DCTN1: variants seen among roughly 807,000 people sequenced by gnomAD.
The protein encoded by DCTN1 is 150 kDa dynein-associated polypeptide.
A neutral mutation model predicts 161.2 loss-of-function variants in DCTN1; 61 were observed. The ratio of observed to expected loss-of-function variants is 0.38; its 90% confidence interval spans 0.31 to 0.47. DCTN1 has a LOEUF of 0.47. DCTN1 is among the 20% of genes least tolerant of loss of function. The pLI, the probability that DCTN1 is intolerant of heterozygous loss-of-function variation, is 0.99. For synonymous variants in DCTN1, 653 were observed against 632.4 expected (o/e 1.03, Z -0.49); for missense variants, 1,404 against 1,623.7 (o/e 0.86, Z 2.33).
At chr2:74,390,541 A>G (rs770413122) in intron 1 of DCTN1, 1 of 405,210 alleles carries the variant, frequency 2.5e-6, no homozygotes, top group South Asian at 1.8e-5. Context: ...AGAATTTTAA[A>G]TCTGAAAGAA....
rs538291598 is a variant in DCTN1, at chr2:74,362,664, C to G, written c.3595G>C (p.Val1199Leu). 1 of 1,613,890 alleles carries G rather than the reference C, an allele frequency of 6.2e-7. No individual in the cohort carries two copies. The highest frequency in any genetic ancestry group is 8.5e-7 in the Non-Finnish European group (1 of 1,179,940). The change falls in exon 30 of 32, where the codon GTC becomes CTC. Residue 1199 changes from valine (V) to leucine (L), a missense_variant. Coordinates refer to ENST00000628224, the MANE Select transcript of DCTN1 (RefSeq NM_004082.5). ...ACTGAGCTGACCTTGAGCTTCTCGA[C>G]GGTGTCACTCAGGGACTTAAGCTGA... ...VAQLKSLSDT[V>L]EKLKDEVLKE...
chr2:74,374,154 G>C (rs551802041), intron 6 of DCTN1, 169 bp downstream of exon 6: 1 of 710,244 alleles, frequency 1.4e-6, no homozygotes, highest in South Asian at 1.5e-5. Flanking sequence ...AATGCCCAGG[G>C]TGTGGGGCAT....
In DCTN1 at chr2:74,363,385, C is replaced by T. The variant is rs1274754432; in HGVS notation, c.3254G>A (p.Gly1085Glu). 10 of 1,612,438 alleles carry T rather than the reference C, an allele frequency of 6.2e-6. No individual in the cohort carries two copies. The highest frequency in any genetic ancestry group is 8.5e-6 in the Non-Finnish European group (10 of 1,179,592). Residue 1085 changes from glycine to glutamate, a missense_variant, in exon 28 of 32, where the codon GGG becomes GAG. Gly to Glu is a moderately conservative substitution (Grantham distance 98). This residue lies in a region of DCTN1 where 311 missense variants were observed against 298.9 expected (regional missense o/e 1.04). Transcript: ENST00000628224. ...GQAPGSVPGP[G>E]LVKDSPLLLQ... ...CAGCAGTGGTGAGTCCTTCACCAGCCCTGGGCCTGGCACAGACCCTGGAGC... is the reference window on the plus strand; with the variant it reads ...CAGCAGTGGTGAGTCCTTCACCAGCTCTGGGCCTGGCACAGACCCTGGAGC...
intron 2 of DCTN1, 77 bp from the exon 3 acceptor site, chr2:74,377,803 C>G (rs997694201): frequency 6.7e-7 from 1 of 1,497,966 alleles, no homozygotes; most frequent in Non-Finnish European, 9.3e-7. Context: ...ATGGGCCCCT[C>G]CCCAGGCTCC....
upstream of DCTN1, chr2:74,383,934 T>C (rs939422596): frequency 2.0e-5 from 3 of 152,374 alleles, no homozygotes; most frequent in Admixed American, 6.5e-5. Context: ...TTCATTATTT[T>C]AAGGGAATAT....
intron 16 of DCTN1, 154 bp downstream of exon 16, chr2:74,368,574 T>C: frequency 1.0e-6 from 1 of 974,696 alleles, no homozygotes; most frequent in Admixed American, 2.1e-5. Context: ...ACACCATTTG[T>C]AATATATATT....
At chr2:74,380,514 C>G (rs542421218), upstream of DCTN1, 17 of 473,328 alleles carry the variant, frequency 3.6e-5, no homozygotes, top group South Asian at 2.3e-4. Context: ...CTGTTCCCCT[C>G]TCCCCCAGGA....
At chr2:74,365,856 T>C in intron 24 of DCTN1, 37 bp downstream of exon 24, 1 of 1,613,984 alleles carries the variant, frequency 6.2e-7, no homozygotes, top group Non-Finnish European at 8.5e-7. Context: ...CCTACCAATT[T>C]CCTGGCCCCC....
At position 74,365,973 on chromosome 2, in the gene DCTN1, T is replaced by C; in HGVS notation, c.2806A>G (p.Thr936Ala). ...TTCAAACCCAGGCCTTCAGCATCTG[T>C]GATCTCTGCACGAAGGGCAGCAGCC... is the stretch of plus-strand genomic sequence containing the variant. ...LRAAALRAEI[T>A]DAEGLGLKLE... Residue 936 changes from threonine to alanine, a missense_variant, in exon 24 of 32, where the codon ACA becomes GCA. Physicochemically the swap from Thr to Ala is moderately conservative, Grantham distance 58. Around this residue, in one of 9 missense-constraint regions of DCTN1, gnomAD observed 475 missense variants for 489.8 expected, o/e 0.97. Transcript: ENST00000628224. The C allele has an allele frequency of 6.2e-7, 1 of 1,614,204 alleles. No individual in the cohort carries two copies. The highest frequency in any genetic ancestry group is 8.5e-7 in the Non-Finnish European group (1 of 1,180,040).
upstream of DCTN1, among the ~76,000 whole-genome samples, chr2:74,384,777 C>T (rs77635120): frequency 0.041 from 6,208 of 152,278 alleles, 411 homozygotes; most frequent in African/African-American, 0.14. Flanking sequence ...CTGGGCTAAC[C>T]CAACTGTCTG....
chr2:74,361,334 G>A lies in DCTN1; in HGVS notation c.*165C>T, dbSNP rs1673967994. The A allele has an allele frequency of 1.0e-6, 1 of 985,824 alleles. No homozygotes were observed. Among genetic ancestry groups the A allele is most frequent in the African/African-American group, 1.6e-5 (1 of 62,516 alleles). 61.1% of individuals were successfully genotyped at this position (985,824 alleles called of 1,614,324 possible). ...AGGGAATGGGAGTGGGGGAACCCGG[G>A]TCAAGGTGAAGGGGCAGGACGCTGA... On this transcript the variant is annotated 3_prime_UTR_variant, in exon 32 of 32. Transcript: ENST00000628224.
At chr2:74,368,295 G>A in intron 16 of DCTN1, 164 bp from the exon 17 acceptor site, 1 of 905,780 alleles carries the variant, frequency 1.1e-6, no homozygotes, top group Non-Finnish European at 1.7e-6. Flanking sequence ...ATGGGGAAAG[G>A]GTAGTGATGT....
chr2:74,379,907 T>G, intron 1 of DCTN1, 98 bp downstream of exon 1: 1 of 1,298,546 alleles, frequency 7.7e-7, no homozygotes, highest in Non-Finnish European at 1.1e-6. Context: ...TCAGCTGAGC[T>G]CCAGCCTATC....
intron 29 of DCTN1, 69 bp downstream of exon 29, chr2:74,362,925 C>A: frequency 1.9e-6 from 3 of 1,559,942 alleles, no homozygotes; most frequent in Non-Finnish European, 1.7e-6. Context: ...ACCACCTGAG[C>A]AGGGGCTAAA....
intron 31 of DCTN1, 36 bp downstream of exon 31, chr2:74,362,016 A>T (rs571099411): frequency 1.2e-6 from 2 of 1,606,278 alleles, no homozygotes; most frequent in South Asian, 2.2e-5. Context: ...TGAGCTCTCC[A>T]CACTGTCCCA....
chr2:74,366,932 C>T lies in DCTN1; in HGVS notation c.2317G>A (p.Gly773Ser). The T allele has an allele frequency of 6.2e-7, 1 of 1,614,126 alleles. No homozygotes were observed. The highest frequency in any genetic ancestry group is 8.5e-7 in the Non-Finnish European group (1 of 1,180,026). Residue 773 changes from glycine (G) to serine (S), a missense_variant and splice_region_variant, in exon 21 of 32, where the codon GGT (glycine) becomes AGT (serine). This residue lies in a region of DCTN1 where 475 missense variants were observed against 489.8 expected (regional missense o/e 0.97). Transcript: ENST00000628224. Reference protein sequence around the residue: ...EVGRLRAFLQGGQEATDIALL... With the variant: ...EVGRLRAFLQSGQEATDIALL... ...GCAATATCTGTAGCCTCCTGCCCACCCTACTCAGGAAAAAGAAAATGGATG... is the reference window on the plus strand; with the variant it reads ...GCAATATCTGTAGCCTCCTGCCCACTCTACTCAGGAAAAAGAAAATGGATG...
chr2:74,361,936 C>A (rs763740929), intron 31 of DCTN1, 116 bp downstream of exon 31: 1 of 1,163,174 alleles, frequency 8.6e-7, no homozygotes, highest in East Asian at 2.4e-5. Context: ...CCAGATAACC[C>A]AAGGTATGCA....
chr2:74,382,206 C>T (rs530538711), upstream of DCTN1, among the ~76,000 whole-genome samples: 279 of 152,250 alleles, frequency 1.8e-3, no homozygotes, highest in Non-Finnish European at 3.3e-3. Flanking sequence ...ATCAATAGTC[C>T]CCTAATTTCT....
At chr2:74,380,626 C>A, upstream of DCTN1, 1 of 467,962 alleles carries the variant, frequency 2.1e-6, no homozygotes, top group Non-Finnish European at 4.4e-6. Context: ...ATCTACCTTT[C>A]TGGTGCTCTT....
Sources: gnomAD v4.1 joint callset for allele counts (sites outside exome capture counted in the v4.1 genomes callset) on GRCh38, gnomAD v4.1.1 for gene constraint, gnomAD v4.1.1 regional missense constraint, MANE v1.5 for transcripts, NCBI Gene and HGNC (gene_info 2026-07-23, HGNC 2026-07-21) for gene names.